The following RPS6KC1 variants were observed in gnomAD, a reference collection of about 807,000 sequenced individuals.
RPS6KC1 encodes ribosomal protein S6 kinase C1.
RPS6KC1 carries 54 observed loss-of-function variants against 103.8 expected under a neutral mutation model. The ratio of observed to expected loss-of-function variants is 0.52; its 90% CI spans 0.42 to 0.65. RPS6KC1 has a LOEUF of 0.65. Among genes scored for constraint, RPS6KC1 ranks in the 30% least tolerant of loss-of-function variants. The probability of loss-of-function intolerance (pLI) is 0.00; values close to 1 mark genes in which losing one functional copy is unlikely to be tolerated. For synonymous variants in RPS6KC1, 439 were observed against 438.7 expected (o/e 1.00, Z -0.01); for missense variants, 1,151 against 1,253.8 (o/e 0.92, Z 1.24).
At chr1:213,199,510 G>A (rs957174479) in intron 8 of RPS6KC1, among the ~76,000 whole-genome samples, 4 of 152,112 alleles carry the variant, frequency 2.6e-5, no homozygotes, top group Admixed American at 1.3e-4. Flanking sequence ...AATAATACGA[G>A]CCATCCATGA....
At chr1:213,504,346 CT>C in the RPS6KC1 span, among the ~76,000 whole-genome samples, 1 of 151,740 alleles carries the variant, frequency 6.6e-6, no homozygotes, top group African/African-American at 2.4e-5. Flanking sequence ...TTTTTTTTAA[CT>C]TCTCAAACAT....
At chr1:213,801,774 A>G in the RPS6KC1 span, among the ~76,000 whole-genome samples, 1 of 152,174 alleles carries the variant, frequency 6.6e-6, no homozygotes, top group African/African-American at 2.4e-5. Context: ...GGAAGTGGGA[A>G]AGATAGGAGC....
the RPS6KC1 span, among the ~76,000 whole-genome samples, chr1:213,639,267 G>T: frequency 6.6e-6 from 1 of 152,070 alleles, no homozygotes; most frequent in Non-Finnish European, 1.5e-5. Flanking sequence ...CTATGCAGGT[G>T]ATCATGTCAT....
chr1:213,702,154 T>C, the RPS6KC1 span, among the ~76,000 whole-genome samples: 32 of 152,106 alleles, frequency 2.1e-4, no homozygotes, highest in African/African-American at 7.5e-4. Context: ...AATTTTCTTT[T>C]TAATTTTTTT....
intron 8 of RPS6KC1, among the ~76,000 whole-genome samples, chr1:213,180,991 A>G (rs1046067537): frequency 6.6e-5 from 10 of 152,136 alleles, no homozygotes; most frequent in Admixed American, 5.9e-4. Flanking sequence ...CCTGGTTTTG[A>G]TATTGAATTA....
the RPS6KC1 span, among the ~76,000 whole-genome samples, chr1:213,548,722 G>T: frequency 6.6e-6 from 1 of 152,124 alleles, no homozygotes; most frequent in South Asian, 2.1e-4. Flanking sequence ...GGAGTAAGAA[G>T]TAGGATTGGG....
chr1:213,757,607 T>C, the RPS6KC1 span, among the ~76,000 whole-genome samples: 1 of 152,110 alleles, frequency 6.6e-6, no homozygotes, highest in Non-Finnish European at 1.5e-5. Flanking sequence ...GAGCAGCAAG[T>C]GTTGATGTGG....
At chr1:213,703,210 A>G in the RPS6KC1 span, among the ~76,000 whole-genome samples, 1 of 152,176 alleles carries the variant, frequency 6.6e-6, no homozygotes. Context: ...ATAAACAAGC[A>G]AGTGAAAAGA....
the RPS6KC1 span, among the ~76,000 whole-genome samples, chr1:213,582,197 G>A: frequency 6.7e-6 from 1 of 150,052 alleles, no homozygotes; most frequent in African/African-American, 2.4e-5. Flanking sequence ...AATTGCTGCA[G>A]CTGAAAGGTA....
the RPS6KC1 span, among the ~76,000 whole-genome samples, chr1:213,425,917 T>G: frequency 6.6e-6 from 1 of 152,308 alleles, no homozygotes; most frequent in Non-Finnish European, 1.5e-5. Context: ...CCGTGGCCTC[T>G]GCAGGAGACG....
chr1:213,766,826 T>C, the RPS6KC1 span, among the ~76,000 whole-genome samples: 1 of 150,514 alleles, frequency 6.6e-6, no homozygotes. Context: ...TTTGCTTTCT[T>C]TTTGTCAAAG....
At chr1:213,072,339 G>T (rs1190751168) in intron 2 of RPS6KC1, among the ~76,000 whole-genome samples, 1 of 152,066 alleles carries the variant, frequency 6.6e-6, no homozygotes, top group African/African-American at 2.4e-5. Flanking sequence ...TTCTGGCTAT[G>T]TCTGATTTCA....
At chr1:213,575,189 A>G in the RPS6KC1 span, among the ~76,000 whole-genome samples, 1 of 152,138 alleles carries the variant, frequency 6.6e-6, no homozygotes, top group South Asian at 2.1e-4. Flanking sequence ...TTATGATGTC[A>G]TGAGTGTATA....
the RPS6KC1 span, among the ~76,000 whole-genome samples, chr1:213,324,029 T>C: frequency 6.6e-6 from 1 of 152,258 alleles, no homozygotes; most frequent in Non-Finnish European, 1.5e-5. Context: ...TATCTGTTTA[T>C]TATTTTATTC....
At chr1:213,723,991 T>A in the RPS6KC1 span, among the ~76,000 whole-genome samples, 1 of 152,158 alleles carries the variant, frequency 6.6e-6, no homozygotes, top group African/African-American at 2.4e-5. Context: ...CAGGCAGGAA[T>A]GAGTGAAATT....
At chr1:213,696,155 G>A in the RPS6KC1 span, among the ~76,000 whole-genome samples, 2 of 152,140 alleles carry the variant, frequency 1.3e-5, no homozygotes, top group South Asian at 4.1e-4. Flanking sequence ...TTAGTATGAG[G>A]AGTGGATTTT....
At chr1:213,264,619 A>G (rs1227837481) in intron 14 of RPS6KC1, among the ~76,000 whole-genome samples, 2 of 152,324 alleles carry the variant, frequency 1.3e-5, no homozygotes, top group Middle Eastern at 3.4e-3. Context: ...CTTATATAGT[A>G]AATCAGCATT....
the RPS6KC1 span, among the ~76,000 whole-genome samples, chr1:213,711,967 T>G: frequency 6.6e-6 from 1 of 152,144 alleles, no homozygotes; most frequent in African/African-American, 2.4e-5. Context: ...ATGGGAGGTG[T>G]CTCCCTGTCA....
At chr1:213,540,732 C>T in the RPS6KC1 span, among the ~76,000 whole-genome samples, 1 of 152,196 alleles carries the variant, frequency 6.6e-6, no homozygotes, top group Non-Finnish European at 1.5e-5. Context: ...GTCTAGCATG[C>T]AATACTGTTA....
Sources: gnomAD v4.1 joint callset for allele counts (sites outside exome capture counted in the v4.1 genomes callset) on GRCh38, gnomAD v4.1.1 for gene constraint, MANE v1.5 for transcripts, NCBI Gene and HGNC (gene_info 2026-07-23, HGNC 2026-07-21) for gene names.